GALNT13: variants seen among roughly 807,000 people sequenced by gnomAD.
The protein encoded by GALNT13 is UDP-GalNAc:polypeptide N-acetylgalactosaminyltransferase 13.
A neutral mutation model predicts 64.2 loss-of-function variants in GALNT13; 28 were observed. That is an observed-to-expected ratio of 0.44 (90% CI 0.32 to 0.60). GALNT13 has a LOEUF of 0.60. GALNT13 is among the 20% of genes least tolerant of loss of function. The probability of loss-of-function intolerance (pLI) is 0.05; values close to 1 mark genes in which losing one functional copy is unlikely to be tolerated. For missense variants in GALNT13, 577 were observed against 669.8 expected, an observed-to-expected ratio of 0.86 and a Z score of 1.53; for synonymous variants, 214 against 224.6, an observed-to-expected ratio of 0.95 and a Z score of 0.42.
At chr2:153,185,677 C>T in the GALNT13 span, among the ~76,000 whole-genome samples, 1 of 152,148 alleles carries the variant, frequency 6.6e-6, no homozygotes, top group Non-Finnish European at 1.5e-5. Flanking sequence ...CATTAGTTTA[C>T]AAGAACTTCT....
the GALNT13 span, among the ~76,000 whole-genome samples, chr2:153,705,244 C>T: frequency 6.6e-6 from 1 of 152,018 alleles, no homozygotes; most frequent in Non-Finnish European, 1.5e-5. Context: ...TTGAGTAAGT[C>T]GCTTTCCTCA....
the GALNT13 span, among the ~76,000 whole-genome samples, chr2:153,256,142 A>G: frequency 6.6e-6 from 1 of 151,814 alleles, no homozygotes; most frequent in South Asian, 2.1e-4. Context: ...ATAGTCCCAT[A>G]TTTCTTGGAG....
At chr2:154,026,372 A>C (rs1697966076) in intron 3 of GALNT13, among the ~76,000 whole-genome samples, 1 of 152,220 alleles carries the variant, frequency 6.6e-6, no homozygotes, top group East Asian at 1.9e-4. Flanking sequence ...GGGCAAGTTC[A>C]GTAGAAAGTG....
chr2:154,242,905 G>A lies in GALNT13; in HGVS notation c.686G>A (p.Arg229Lys), dbSNP rs200536609. The A allele has an allele frequency of 2.3e-4, 368 of 1,613,064 alleles. 3 individuals are homozygous for A. Among genetic ancestry groups the A allele is most frequent in the Middle Eastern group, 1.7e-3 (10 of 6,060 alleles). ...EPLLARIKED[R>K]KTVVCPIIDV... is the part of the protein sequence containing the mutation. Reference sequence around the variant, plus strand: ...TTGCTGGCAAGAATAAAGGAAGACAGGTAAGAATTTATGTGTTCTGTCTGC... The same window carrying A: ...TTGCTGGCAAGAATAAAGGAAGACAAGTAAGAATTTATGTGTTCTGTCTGC... Residue 229 changes from arginine (R) to lysine (K), a missense_variant and splice_region_variant, in exon 6 of 13, where the codon AGG (arginine) becomes AAG (lysine). Around this residue, in one of 3 missense-constraint regions of GALNT13, gnomAD observed 341 missense variants for 379.3 expected, o/e 0.90. Coordinates refer to ENST00000392825, the MANE Select transcript of GALNT13 (RefSeq NM_052917.4).
chr2:153,849,559 A>T, the GALNT13 span, among the ~76,000 whole-genome samples: 1 of 152,232 alleles, frequency 6.6e-6, no homozygotes, highest in African/African-American at 2.4e-5. Context: ...AACAAACAAG[A>T]TAATTCCTGT....
chr2:154,028,926 G>A (rs576296479), intron 3 of GALNT13, among the ~76,000 whole-genome samples: 14 of 152,088 alleles, frequency 9.2e-5, no homozygotes, highest in East Asian at 5.8e-4. Flanking sequence ...AACTAAGGTC[G>A]TAGGGCAACC....
chr2:153,513,419 C>T, the GALNT13 span, among the ~76,000 whole-genome samples: 1 of 152,162 alleles, frequency 6.6e-6, no homozygotes, highest in Non-Finnish European at 1.5e-5. Flanking sequence ...CAAACTTGTG[C>T]TGTTTTCTTT....
chr2:153,109,163 C>T, the GALNT13 span, among the ~76,000 whole-genome samples: 6 of 152,052 alleles, frequency 3.9e-5, no homozygotes, highest in Non-Finnish European at 4.4e-5. Context: ...TGGTAATTCA[C>T]GTATGTCATA....
chr2:154,213,756 T>C (rs1388995204), intron 4 of GALNT13, among the ~76,000 whole-genome samples: 5 of 152,136 alleles, frequency 3.3e-5, no homozygotes, highest in African/African-American at 7.2e-5. Flanking sequence ...TATAACAAGA[T>C]AGATAATGCT....
chr2:153,090,265 G>A, the GALNT13 span, among the ~76,000 whole-genome samples: 2 of 152,156 alleles, frequency 1.3e-5, no homozygotes, highest in African/African-American at 4.8e-5. Context: ...CTCCAGGCTG[G>A]TGGTAGGGAA....
the GALNT13 span, among the ~76,000 whole-genome samples, chr2:153,261,737 A>G: frequency 7.3e-6 from 1 of 136,364 alleles, no homozygotes; most frequent in Non-Finnish European, 1.6e-5. Flanking sequence ...TAGGCAGGCA[A>G]TCTACCCAGG....
At chr2:153,951,869 T>C (rs1323778157) in intron 3 of GALNT13, among the ~76,000 whole-genome samples, 2 of 152,174 alleles carry the variant, frequency 1.3e-5, no homozygotes, top group Non-Finnish European at 2.9e-5. Context: ...ACAGAGTCAG[T>C]ATTATCATTT....
At chr2:153,999,469 A>T (rs1220506369) in intron 3 of GALNT13, among the ~76,000 whole-genome samples, 1 of 151,960 alleles carries the variant, frequency 6.6e-6, no homozygotes, top group African/African-American at 2.4e-5. Context: ...TAAGGCCCTT[A>T]TGTTTTGAAG....
At chr2:153,909,085 T>C (rs1688773831) in intron 2 of GALNT13, among the ~76,000 whole-genome samples, 2 of 152,202 alleles carry the variant, frequency 1.3e-5, no homozygotes, top group East Asian at 3.9e-4. Context: ...CTTTGAGCAG[T>C]GTTTTGTGAT....
chr2:154,009,607 C>T (rs1351942178), intron 3 of GALNT13, among the ~76,000 whole-genome samples: 1 of 151,504 alleles, frequency 6.6e-6, no homozygotes, highest in Non-Finnish European at 1.5e-5. Flanking sequence ...TATCCTATCT[C>T]ACCCTCCCAA....
the GALNT13 span, among the ~76,000 whole-genome samples, chr2:153,312,458 GGGAAATGTGTT>G: frequency 6.6e-6 from 1 of 152,236 alleles, no homozygotes; most frequent in Non-Finnish European, 1.5e-5. Flanking sequence ...TTTTACAGAA[GGGAAATGTGTT>G]GGCTCAAAAA....
At chr2:153,091,203 C>T in the GALNT13 span, among the ~76,000 whole-genome samples, 1 of 152,086 alleles carries the variant, frequency 6.6e-6, no homozygotes, top group Non-Finnish European at 1.5e-5. Context: ...CTCCCCCTTC[C>T]CAATTGTGCT....
chr2:154,251,119 C>G (rs563499029), intron 7 of GALNT13, among the ~76,000 whole-genome samples: 83 of 152,092 alleles, frequency 5.5e-4, no homozygotes, highest in African/African-American at 2.0e-3. Flanking sequence ...TTCTTAGCAG[C>G]CTGTTGGGAT....
the GALNT13 span, among the ~76,000 whole-genome samples, chr2:153,413,479 C>CATCCAT: frequency 1.3e-5 from 2 of 152,300 alleles, no homozygotes; most frequent in South Asian, 2.1e-4. Context: ...CATACAACTA[C>CATCCAT]ATCCATATCC....
Sources: allele counts gnomAD v4.1 joint callset (sites outside exome capture counted in the v4.1 genomes callset), GRCh38; gene constraint gnomAD v4.1.1; regional missense constraint gnomAD v4.1.1; transcripts MANE v1.5; gene names NCBI Gene and HGNC (gene_info 2026-07-23, HGNC 2026-07-21).